The following TXLNG variants were observed in gnomAD, a reference collection of about 807,000 sequenced individuals.
The protein encoded by TXLNG is gamma-taxilin.
A neutral mutation model predicts 38.8 loss-of-function variants in TXLNG; 5 were observed. That is an observed-to-expected ratio of 0.13 (90% CI 0.07 to 0.27). The LOEUF (loss-of-function observed/expected upper bound fraction) is 0.27, where lower values mean the gene tolerates loss of function less well. TXLNG is among the 10% of genes least tolerant of loss of function. The pLI is 1.00. For missense variants in TXLNG, 393 were observed against 398.2 expected (o/e 0.99, Z 0.11); for synonymous variants, 182 against 158.2 (o/e 1.15, Z -1.13).
At chrX:16,788,570 C>T (rs1221968659) in intron 1 of TXLNG, among the ~76,000 whole-genome samples, 1 of 111,067 alleles carries the variant, frequency 9.0e-6, no homozygotes, top group Non-Finnish European at 1.9e-5. Flanking sequence ...TGGTGGCATG[C>T]ACCTGTAGTA....
chrX:16,810,359 C>A (rs929014902), intron 1 of TXLNG, among the ~76,000 whole-genome samples: 1 of 111,736 alleles, frequency 8.9e-6, no homozygotes, highest in Non-Finnish European at 1.9e-5. Context: ...TCTGAGAAAT[C>A]ATTTACAATT....
intron 9 of TXLNG, among the ~76,000 whole-genome samples, chrX:16,841,099 G>A (rs1369792960): frequency 9.1e-6 from 1 of 109,389 alleles, no homozygotes. Flanking sequence ...GGATGCTGAG[G>A]CAGGAGAATC....
Position 16,843,776 on chromosome X carries a change from C to T in TXLNG, c.*2010C>T, listed in dbSNP as rs1361965685. The T allele has an allele frequency of 8.9e-6, 1 of 111,893 alleles. No homozygotes were observed. The highest frequency in any genetic ancestry group is 1.9e-5 in the Non-Finnish European group (1 of 53,225). The allele number at this position is 111,893 out of a possible 1,213,427, so 9.2% of individuals were successfully genotyped here. On this transcript the variant is annotated 3_prime_UTR_variant, in exon 10 of 10. Transcript: ENST00000380122. ...GTGATTAACAGTACTTGGCCTGCTGCTTTTGGCTTACTTTGTATTTTTAGC... is the reference window on the plus strand; with the variant it reads ...GTGATTAACAGTACTTGGCCTGCTGTTTTTGGCTTACTTTGTATTTTTAGC...
rs149177425 is a variant in TXLNG, at chrX:16,803,242, A to G, written c.103-15332A>G. ...TGGCACGGATCTTTAAGAACTCTCC[A>G]TAACCATTAGAGATCCTGGGGACTG... On this transcript the variant is annotated intron_variant, in intron 1 of 9. Coordinates refer to ENST00000380122, the MANE Select transcript of TXLNG (RefSeq NM_018360.3). 1,077 of 111,884 alleles carry G rather than the reference A, an allele frequency of 9.6e-3. 13 individuals are homozygous for G. The highest frequency in any genetic ancestry group is 0.033 in the African/African-American group (1,020 of 30,653). 9.2% of individuals were successfully genotyped at this position (111,884 alleles called of 1,213,427 possible). A position where few individuals can be genotyped will look rare whatever the true frequency, so the allele number is the denominator to read the frequency against.
rs780159368 is a variant in TXLNG at position 16,806,160 on chromosome X, T to C, written c.103-12414T>C. On this transcript the variant is annotated intron_variant, in intron 1 of 9. Transcript: ENST00000380122. ...TTTGTAATTTAGCCACATGACAATG[T>C]AATTTTTATAATAGGCTTGTTTGTA... 1.4e-3 allele frequency among the ~76,000 whole-genome samples: 158 copies of C among 112,935 alleles called. 2 individuals carry two copies. Among genetic ancestry groups the C allele is most frequent in the Admixed American group, 2.4e-3 (25 of 10,637 alleles).
intron 4 of TXLNG, 106 bp from the exon 5 acceptor site, chrX:16,829,470 C>G (rs189537481): frequency 1.3e-6 from 1 of 747,203 alleles, no homozygotes; most frequent in East Asian, 3.5e-5. Context: ...AGTTCAGAAG[C>G]AACACGTCAG....
intron 1 of TXLNG, among the ~76,000 whole-genome samples, chrX:16,809,225 G>A (rs547872583): frequency 4.5e-5 from 5 of 110,500 alleles, no homozygotes; most frequent in Admixed American, 2.0e-4. Context: ...TCCCTTCCCC[G>A]ACTGGACTCC....
At chrX:16,805,076 C>T (rs1304798676) in intron 1 of TXLNG, among the ~76,000 whole-genome samples, 5 of 95,675 alleles carry the variant, frequency 5.2e-5, no homozygotes, top group Non-Finnish European at 8.1e-5. Flanking sequence ...GCTGATCTTC[C>T]AAGCTCAAGT....
At chrX:16,795,368 T>C (rs145597790) in intron 1 of TXLNG, among the ~76,000 whole-genome samples, 178 of 112,777 alleles carry the variant, frequency 1.6e-3, no homozygotes, top group African/African-American at 5.3e-3. Context: ...CATTCACTTA[T>C]TAAAAGGCAA....
intron 3 of TXLNG, among the ~76,000 whole-genome samples, chrX:16,825,894 G>T (rs550951151): frequency 8.9e-6 from 1 of 112,352 alleles, no homozygotes; most frequent in Admixed American, 9.5e-5. Flanking sequence ...CGCCAACAAT[G>T]TGGATGAGTC....
At chrX:16,823,982 G>A (rs1929079255) in intron 3 of TXLNG, among the ~76,000 whole-genome samples, 1 of 111,098 alleles carries the variant, frequency 9.0e-6, no homozygotes, top group South Asian at 3.8e-4. Flanking sequence ...GTGTGTTGGG[G>A]GGCACTATTT....
chrX:16,788,969 A>G (rs755170722), intron 1 of TXLNG, among the ~76,000 whole-genome samples: 1 of 112,194 alleles, frequency 8.9e-6, no homozygotes, highest in Non-Finnish European at 1.9e-5. Flanking sequence ...CAACTGGCCA[A>G]AAATTTTTTT....
intron 8 of TXLNG, 53 bp from the exon 9 acceptor site, chrX:16,839,768 G>A: frequency 2.2e-6 from 2 of 915,905 alleles, no homozygotes; most frequent in Non-Finnish European, 3.1e-6. Context: ...CTGGGACAGG[G>A]AGTAGAGATA....
intron 1 of TXLNG, among the ~76,000 whole-genome samples, chrX:16,792,355 G>A (rs1213523556): frequency 8.9e-6 from 1 of 111,820 alleles, no homozygotes; most frequent in Non-Finnish European, 1.9e-5. Context: ...ACCTCGTTAA[G>A]TTTTAACTTA....
chrX:16,827,397 A>G (rs946533238), intron 3 of TXLNG, among the ~76,000 whole-genome samples: 5 of 111,340 alleles, frequency 4.5e-5, no homozygotes, highest in African/African-American at 1.6e-4. Context: ...ACATTGGAGT[A>G]GGTTTCAGCT....
At position 16,841,811 on chromosome X, in the gene TXLNG, C is replaced by G. The variant is rs760974009; in HGVS notation, c.*45C>G. 10 of 1,128,489 alleles carry G rather than the reference C, an allele frequency of 8.9e-6. No homozygotes were observed. The East Asian group carries it at 2.7e-4, about 31-fold the overall frequency. 93.0% of individuals were successfully genotyped at this position (1,128,489 alleles called of 1,213,427 possible). ...ATTGAGAGATATATTTTGTGTATAACTTTCTCTGTTAGTAGTTAACTATTG... is the reference window on the plus strand; with the variant it reads ...ATTGAGAGATATATTTTGTGTATAAGTTTCTCTGTTAGTAGTTAACTATTG... On this transcript the variant is annotated 3_prime_UTR_variant, in exon 10 of 10. Transcript: ENST00000380122.
At chrX:16,820,918 G>A (rs763855175) in intron 3 of TXLNG, among the ~76,000 whole-genome samples, 6 of 109,892 alleles carry the variant, frequency 5.5e-5, no homozygotes, top group Non-Finnish European at 7.6e-5. Context: ...ACATGTGCTC[G>A]CCACCACGCC....
At chrX:16,836,917 C>G (rs1461960567) in intron 7 of TXLNG, among the ~76,000 whole-genome samples, 2 of 111,427 alleles carry the variant, frequency 1.8e-5, no homozygotes, top group East Asian at 5.6e-4. Context: ...GCTCAGGCCT[C>G]CCACATGAAG....
At chrX:16,797,582 T>C (rs1235931772) in intron 1 of TXLNG, among the ~76,000 whole-genome samples, 1 of 112,679 alleles carries the variant, frequency 8.9e-6, no homozygotes, top group Non-Finnish European at 1.9e-5. Context: ...GAGGCCTTCC[T>C]TGGTTTCTTG....
Sources: allele counts gnomAD v4.1 joint callset (sites outside exome capture counted in the v4.1 genomes callset), GRCh38; gene constraint gnomAD v4.1.1; transcripts MANE v1.5; gene names NCBI Gene and HGNC (gene_info 2026-07-23, HGNC 2026-07-21).